The following HACE1 variants were observed in gnomAD, a reference collection of about 807,000 sequenced individuals.
The protein encoded by HACE1 is E3 ubiquitin-protein ligase HACE1.
Under a neutral mutation model 118.4 loss-of-function variants are expected in HACE1, and 73 were observed. The ratio of observed to expected loss-of-function variants is 0.62; its 90% CI spans 0.51 to 0.75. HACE1 has a LOEUF of 0.75. HACE1 is among the 30% of genes least tolerant of loss of function. The pLI, the probability that HACE1 is intolerant of heterozygous loss-of-function variation, is 0.00. For synonymous variants in HACE1, 368 were observed against 374.8 expected, an observed-to-expected ratio of 0.98 and a Z score of 0.21; for missense variants, 749 against 1,102.2, an observed-to-expected ratio of 0.68 and a Z score of 4.54.
intron 6 of HACE1, among the ~76,000 whole-genome samples, chr6:104,812,148 C>G (rs1225294434): frequency 6.6e-6 from 1 of 152,008 alleles, no homozygotes; most frequent in African/African-American, 2.4e-5. Context: ...TGGTTTTATT[C>G]CTAAAATCCT....
chr6:104,769,771 G>A (rs1436591909), intron 19 of HACE1, among the ~76,000 whole-genome samples: 38 of 151,892 alleles, frequency 2.5e-4, no homozygotes, highest in Non-Finnish European at 2.9e-5. Context: ...AAAATGAGAG[G>A]GTAGAATTTA....
intron 6 of HACE1, among the ~76,000 whole-genome samples, chr6:104,820,148 T>C (rs1481421107): frequency 2.7e-5 from 4 of 150,752 alleles, no homozygotes; most frequent in Non-Finnish European, 4.4e-5. Flanking sequence ...TGAGCCGAGA[T>C]TGTGCCACTG....
At chr6:104,733,100 A>G (rs1775389165) in intron 22 of HACE1, among the ~76,000 whole-genome samples, 1 of 152,252 alleles carries the variant, frequency 6.6e-6, no homozygotes, top group South Asian at 2.1e-4. Flanking sequence ...AAAAAGGGAT[A>G]AAAATCAAGT....
intron 6 of HACE1, among the ~76,000 whole-genome samples, chr6:104,822,447 G>A (rs532671583): frequency 9.9e-5 from 15 of 152,024 alleles, no homozygotes; most frequent in South Asian, 4.2e-4. Flanking sequence ...TAGCTACTTG[G>A]GAGGCTGAGG....
chr6:104,831,846 T>G (rs1773909677), intron 6 of HACE1, among the ~76,000 whole-genome samples: 1 of 150,682 alleles, frequency 6.6e-6, no homozygotes, highest in African/African-American at 2.4e-5. Flanking sequence ...TGAGCCGAGA[T>G]GGCGCCACTG....
At chr6:104,734,559 A>C (rs1236519918) in intron 22 of HACE1, among the ~76,000 whole-genome samples, 1 of 152,202 alleles carries the variant, frequency 6.6e-6, no homozygotes, top group Non-Finnish European at 1.5e-5. Context: ...TAGAGCTCTA[A>C]TTACACTCAA....
At chr6:104,858,074 G>A (rs1486570026) in intron 1 of HACE1, among the ~76,000 whole-genome samples, 1 of 151,978 alleles carries the variant, frequency 6.6e-6, no homozygotes, top group Non-Finnish European at 1.5e-5. Flanking sequence ...TTTATAACTG[G>A]ATGGTGAAAT....
intron 11 of HACE1, among the ~76,000 whole-genome samples, chr6:104,790,529 G>A (rs1156619551): frequency 1.3e-5 from 2 of 152,222 alleles, no homozygotes; most frequent in South Asian, 2.1e-4. Flanking sequence ...GAGGCAGACA[G>A]ACTGCTTGAG....
At chr6:104,835,327 G>A (rs1036045607) in intron 5 of HACE1, among the ~76,000 whole-genome samples, 3 of 151,994 alleles carry the variant, frequency 2.0e-5, no homozygotes, top group African/African-American at 7.3e-5. Flanking sequence ...CAAAAAGTAG[G>A]GGGAAAAAGG....
At chr6:104,735,786 AT>A (rs1244527673) in intron 22 of HACE1, among the ~76,000 whole-genome samples, 2 of 152,160 alleles carry the variant, frequency 1.3e-5, no homozygotes, top group Non-Finnish European at 2.9e-5. Context: ...TATCCTAAGA[AT>A]TTATCCTCTA....
intron 7 of HACE1, among the ~76,000 whole-genome samples, chr6:104,809,112 T>G (rs760350466): frequency 1.1e-4 from 16 of 152,232 alleles, no homozygotes; most frequent in Non-Finnish European, 1.3e-4. Context: ...ATATTTTTCA[T>G]AGTGATGCAT....
chr6:104,771,478 T>C, intron 18 of HACE1, 89 bp from the exon 19 acceptor site: 1 of 770,252 alleles, frequency 1.3e-6, no homozygotes, highest in South Asian at 1.5e-5. Context: ...ACAGATATTC[T>C]GAAAAACTGC....
intron 10 of HACE1, 30 bp downstream of exon 10, chr6:104,795,549 A>G (rs1769523998): frequency 8.0e-7 from 1 of 1,244,636 alleles, no homozygotes; most frequent in Non-Finnish European, 1.2e-6. Flanking sequence ...ACTGCTACCT[A>G]TTGATTTCCT....
In HACE1 at chr6:104,750,383, G is replaced by C; in HGVS notation, c.2301C>G (p.Phe767Leu). 6.2e-7 allele frequency: 1 copy of C among 1,612,506 alleles called. No individual in the cohort carries two copies. The highest frequency in any genetic ancestry group is 8.5e-7 in the Non-Finnish European group (1 of 1,178,710). ...AAAGCTGTATGAGGGAGGGTGGAAT[G>C]AACATATGAAAGCCCTGTAAAAAAG... is the stretch of plus-strand genomic sequence containing the variant. ...INAFLQGFHMFIPPSLIQLFD... is the reference protein window; with the variant it reads ...INAFLQGFHMLIPPSLIQLFD... Residue 767 changes from phenylalanine (F) to leucine (L), a missense_variant, in exon 20 of 24, where the codon TTC becomes TTG. Around this residue, in one of 5 missense-constraint regions of HACE1, gnomAD observed 165 missense variants for 229.9 expected, o/e 0.72. Transcript: ENST00000262903.
intron 19 of HACE1, among the ~76,000 whole-genome samples, chr6:104,770,741 C>A (rs924590193): frequency 6.6e-6 from 1 of 152,048 alleles, no homozygotes. Context: ...AATAAATAAT[C>A]AAGTTATACA....
intron 2 of HACE1, among the ~76,000 whole-genome samples, chr6:104,851,347 G>T (rs1776186064): frequency 1.3e-5 from 2 of 152,218 alleles, no homozygotes; most frequent in Admixed American, 6.5e-5. Flanking sequence ...CTCCCGAAGT[G>T]CTGGGATTAC....
At chr6:104,769,314 G>C (rs775917937) in intron 19 of HACE1, among the ~76,000 whole-genome samples, 1 of 152,008 alleles carries the variant, frequency 6.6e-6, no homozygotes, top group Non-Finnish European at 1.5e-5. Flanking sequence ...GAATACAATT[G>C]TTACTAGATC....
chr6:104,822,090 C>T (rs1308135025), intron 6 of HACE1, among the ~76,000 whole-genome samples: 4 of 150,610 alleles, frequency 2.7e-5, no homozygotes, highest in East Asian at 3.9e-4. Context: ...AGGCGTGGGC[C>T]GGGCGCGGTG....
chr6:104,739,583 A>C (rs1239598192), intron 22 of HACE1, among the ~76,000 whole-genome samples: 3 of 152,152 alleles, frequency 2.0e-5, no homozygotes, highest in Non-Finnish European at 4.4e-5. Context: ...CCATTACATA[A>C]TGATAAAGGG....
Sources: allele counts gnomAD v4.1 joint callset (sites outside exome capture counted in the v4.1 genomes callset), GRCh38; gene constraint gnomAD v4.1.1; regional missense constraint gnomAD v4.1.1; transcripts MANE v1.5; gene names NCBI Gene and HGNC (gene_info 2026-07-23, HGNC 2026-07-21).